NCKAP5: variants seen among roughly 807,000 people sequenced by gnomAD.
NCKAP5 encodes the protein nck-associated protein 5.
In NCKAP5, 92 loss-of-function variants were observed where a neutral mutation model predicts 167.0. The ratio of observed to expected loss-of-function variants is 0.55; its 90% CI spans 0.47 to 0.66. The LOEUF (loss-of-function observed/expected upper bound fraction) is 0.66. Ranked by LOEUF, NCKAP5 falls within the 30% of genes least tolerant of loss-of-function variation. The pLI is 0.00. For missense variants in NCKAP5, 2,378 were observed against 2,315.0 expected (o/e 1.03, Z -0.56); for synonymous variants, 891 against 877.4 (o/e 1.02, Z -0.27).
chr2:132,674,311 C>T (rs954074800), intron 19 of NCKAP5, among the ~76,000 whole-genome samples: 5 of 152,114 alleles, frequency 3.3e-5, no homozygotes, highest in East Asian at 1.9e-4. Context: ...ACAAGGTAAA[C>T]GACCCCATTT....
chr2:132,701,805 T>C (rs1418756380), intron 19 of NCKAP5, among the ~76,000 whole-genome samples: 7 of 152,194 alleles, frequency 4.6e-5, no homozygotes, highest in Non-Finnish European at 1.0e-4. Flanking sequence ...CCCTCCACAA[T>C]GTGATTATTC....
At chr2:132,780,387 T>C (rs1682929004) in intron 15 of NCKAP5, among the ~76,000 whole-genome samples, 2 of 152,108 alleles carry the variant, frequency 1.3e-5, no homozygotes, top group South Asian at 4.1e-4. Context: ...CCTGACCTTG[T>C]GATCCGCCCG....
intron 8 of NCKAP5, among the ~76,000 whole-genome samples, chr2:132,896,402 C>T (rs948152439): frequency 6.6e-6 from 1 of 152,142 alleles, no homozygotes; most frequent in Non-Finnish European, 1.5e-5. Context: ...CACCCTTGTT[C>T]CTCTCCTTCT....
At chr2:133,517,957 A>G (rs1684151289) in intron 2 of NCKAP5, among the ~76,000 whole-genome samples, 1 of 152,228 alleles carries the variant, frequency 6.6e-6, no homozygotes, top group South Asian at 2.1e-4. Flanking sequence ...AAATTCCATG[A>G]GATCAAACCG....
intron 5 of NCKAP5, among the ~76,000 whole-genome samples, chr2:133,142,023 C>A (rs765599097): frequency 1.3e-5 from 2 of 151,878 alleles, no homozygotes; most frequent in Non-Finnish European, 2.9e-5. Context: ...ATTGAAAGCA[C>A]CAAATATTAA....
At chr2:133,310,269 C>T (rs903437621) in intron 3 of NCKAP5, among the ~76,000 whole-genome samples, 2 of 152,284 alleles carry the variant, frequency 1.3e-5, no homozygotes, top group African/African-American at 4.8e-5. Context: ...AAATGTTAAA[C>T]ACCACAAGCA....
At chr2:132,970,493 CCATA>C (rs1324784475) in intron 7 of NCKAP5, among the ~76,000 whole-genome samples, 3 of 152,118 alleles carry the variant, frequency 2.0e-5, no homozygotes, top group Admixed American at 2.0e-4. Flanking sequence ...AGTGAAGCTA[CCATA>C]CAAACAACTT....
At chr2:132,989,724 C>T (rs570282811) in intron 7 of NCKAP5, among the ~76,000 whole-genome samples, 1 of 152,300 alleles carries the variant, frequency 6.6e-6, no homozygotes, top group East Asian at 1.9e-4. Context: ...CTTTCCACCA[C>T]ACCATCAAAA....
chr2:132,695,339 C>T (rs2105183147), intron 19 of NCKAP5, among the ~76,000 whole-genome samples: 1 of 152,230 alleles, frequency 6.6e-6, no homozygotes, highest in Non-Finnish European at 1.5e-5. Flanking sequence ...GAATAAACAG[C>T]AGCATCTCTG....
At chr2:132,805,933 C>T (rs950903109) in intron 11 of NCKAP5, among the ~76,000 whole-genome samples, 8 of 152,146 alleles carry the variant, frequency 5.3e-5, no homozygotes, top group African/African-American at 1.4e-4. Flanking sequence ...CCCCTTCCCA[C>T]TCTTCCTGCC....
At chr2:133,070,015 T>A (rs939633682) in intron 6 of NCKAP5, among the ~76,000 whole-genome samples, 1 of 152,122 alleles carries the variant, frequency 6.6e-6, no homozygotes, top group Non-Finnish European at 1.5e-5. Context: ...TAGACGAACT[T>A]TGAAAATGCC....
At chr2:132,982,272 C>T (rs1348823316) in intron 7 of NCKAP5, among the ~76,000 whole-genome samples, 1 of 152,152 alleles carries the variant, frequency 6.6e-6, no homozygotes, top group Non-Finnish European at 1.5e-5. Flanking sequence ...AAATCTTTCC[C>T]TTTAGCCTCA....
Position 132,767,002 on chromosome 2 carries a change from A to G in NCKAP5, c.5128+6814T>C, listed in dbSNP as rs13423494. The stretch of plus-strand genomic sequence containing the variant: ...TGTGTTACCAGAATGGCCATTATAC[A>G]TGATGCTCCAAACCTCCTCTGTTTG... On this transcript the variant is annotated intron_variant, in intron 16 of 19. Transcript: ENST00000409261. Among the ~76,000 whole-genome samples the G allele has an allele frequency of 2.1e-3, 313 of 152,322 alleles. 1 individual carries two copies. Among genetic ancestry groups the G allele is most frequent in the African/African-American group, 7.1e-3 (297 of 41,576 alleles).
At chr2:133,034,861 A>G (rs773965315) in intron 6 of NCKAP5, among the ~76,000 whole-genome samples, 2 of 151,960 alleles carry the variant, frequency 1.3e-5, no homozygotes, top group African/African-American at 4.8e-5. Context: ...AAAAGAGAAG[A>G]CCATAAAACA....
chr2:132,685,792 T>A (rs966225379), intron 19 of NCKAP5, among the ~76,000 whole-genome samples: 1 of 152,164 alleles, frequency 6.6e-6, no homozygotes, highest in Non-Finnish European at 1.5e-5. Context: ...TCCCATGATT[T>A]AAGTGCTTTG....
chr2:133,667,508 T>C, the NCKAP5 span, among the ~76,000 whole-genome samples: 1 of 152,022 alleles, frequency 6.6e-6, no homozygotes, highest in African/African-American at 2.4e-5. Flanking sequence ...CACTCAGACC[T>C]CGACAGGGCT....
chr2:133,558,060 C>T (rs910226666), intron 2 of NCKAP5: 4 of 152,242 alleles, frequency 2.6e-5, no homozygotes, highest in African/African-American at 9.6e-5. Context: ...CTTTAGCTGG[C>T]TCATGGCAGG....
At chr2:133,516,242 AATACAC>A (rs1683981194) in intron 3 of NCKAP5, among the ~76,000 whole-genome samples, 2 of 152,324 alleles carry the variant, frequency 1.3e-5, no homozygotes, top group East Asian at 3.9e-4. Context: ...TTGAAAAGGG[AATACAC>A]ATACATATAC....
intron 6 of NCKAP5, among the ~76,000 whole-genome samples, chr2:133,033,030 T>C (rs892977226): frequency 6.6e-6 from 1 of 152,068 alleles, no homozygotes; most frequent in African/African-American, 2.4e-5. Flanking sequence ...GCAATTACGA[T>C]TAGATATGAG....
Sources: gnomAD v4.1 joint callset for allele counts (sites outside exome capture counted in the v4.1 genomes callset) on GRCh38, gnomAD v4.1.1 for gene constraint, MANE v1.5 for transcripts, NCBI Gene and HGNC (gene_info 2026-07-23, HGNC 2026-07-21) for gene names.